The following SLC6A5 variants were observed in gnomAD, a reference collection of about 807,000 sequenced individuals.
SLC6A5 encodes the protein solute carrier family 6 member 5.
SLC6A5 carries 58 observed loss-of-function variants against 90.5 expected under a neutral mutation model. The observed-to-expected ratio is 0.64, with a 90% confidence interval of 0.52 to 0.80. The LOEUF (loss-of-function observed/expected upper bound fraction) is 0.80, where lower values mean the gene tolerates loss of function less well. SLC6A5 is among the 30% of genes least tolerant of loss of function. SLC6A5 has a pLI of 0.00. For synonymous variants in SLC6A5, 427 were observed against 401.4 expected (o/e 1.06, Z -0.76); for missense variants, 1,015 against 1,017.6 (o/e 1.00, Z 0.03).
intron 7 of SLC6A5, among the ~76,000 whole-genome samples, chr11:20,620,321 T>C (rs1852866065): frequency 6.6e-6 from 1 of 152,202 alleles, no homozygotes; most frequent in Non-Finnish European, 1.5e-5. Flanking sequence ...CCTGGCTCTA[T>C]CACTTTCTAG....
At chr11:20,625,987 C>T (rs1852986278) in intron 7 of SLC6A5, among the ~76,000 whole-genome samples, 1 of 152,172 alleles carries the variant, frequency 6.6e-6, no homozygotes, top group East Asian at 1.9e-4. Flanking sequence ...GGCATAGTGC[C>T]CAGCTCATAG....
chr11:20,601,761 G>GA (rs1852485470), intron 2 of SLC6A5, 96 bp downstream of exon 2: 1 of 1,339,326 alleles, frequency 7.5e-7, no homozygotes, highest in South Asian at 1.3e-5. Flanking sequence ...TGCTGATGGG[G>GA]AAACCGGTTG....
chr11:20,622,852 C>T (rs1358390909), intron 7 of SLC6A5, among the ~76,000 whole-genome samples: 4 of 152,190 alleles, frequency 2.6e-5, no homozygotes, highest in Non-Finnish European at 5.9e-5. Context: ...CCTTAGTTGT[C>T]TCCCATCCCA....
At chr11:20,646,010 C>T (rs190050374) in intron 13 of SLC6A5, among the ~76,000 whole-genome samples, 79 of 152,228 alleles carry the variant, frequency 5.2e-4, no homozygotes, top group East Asian at 3.9e-3. Context: ...ACTTGGAGAC[C>T]GTGTAGGTCC....
intron 12 of SLC6A5, among the ~76,000 whole-genome samples, chr11:20,637,881 TC>T (rs1853240162): frequency 6.6e-6 from 1 of 152,226 alleles, no homozygotes; most frequent in Non-Finnish European, 1.5e-5. Flanking sequence ...GTTAGCTTAC[TC>T]AGTATATATA....
rs1853640948 is a variant in SLC6A5, at chr11:20,656,721, T to TCCCCTCTCCTTCTCCTCCTTTCC, written c.*1859_*1881dup. The TCCCCTCTCCTTCTCCTCCTTTCC allele has an allele frequency of 6.6e-6, 1 of 152,180 alleles. No homozygotes were observed. The highest frequency in any genetic ancestry group is 1.5e-5 in the Non-Finnish European group (1 of 68,034). 9.4% of individuals were successfully genotyped at this position (152,180 alleles called of 1,614,324 possible). A position where few individuals can be genotyped will look rare whatever the true frequency, so the allele number is the denominator to read the frequency against. On this transcript the variant is annotated 3_prime_UTR_variant, in exon 16 of 16. Transcript: ENST00000525748. ...TTTTGTCTGCAGTGTATATTTGTTC[T>TCCCCTCTCCTTCTCCTCCTTTCC]CCCCTCTCCTTCTCCTCCTTTCCCC...
At chr11:20,608,988 GTGTT>G (rs1477099192) in intron 5 of SLC6A5, among the ~76,000 whole-genome samples, 2 of 149,718 alleles carry the variant, frequency 1.3e-5, no homozygotes, top group African/African-American at 4.9e-5. Flanking sequence ...GTGTGTGTGT[GTGTT>G]TAAAGCAGGC....
intron 15 of SLC6A5, among the ~76,000 whole-genome samples, chr11:20,653,084 G>A (rs1337652016): frequency 6.6e-6 from 1 of 152,196 alleles, no homozygotes; most frequent in African/African-American, 2.4e-5. Context: ...TGAGTGAATG[G>A]GAAGGGGACT....
At chr11:20,643,814 C>T (rs182889353) in intron 13 of SLC6A5, among the ~76,000 whole-genome samples, 42 of 152,288 alleles carry the variant, frequency 2.8e-4, no homozygotes, top group Non-Finnish European at 5.4e-4. Context: ...AGTCCCGAGG[C>T]TTGGCGGCCC....
At chr11:20,647,283 A>G (rs1853435256) in intron 14 of SLC6A5, among the ~76,000 whole-genome samples, 1 of 131,592 alleles carries the variant, frequency 7.6e-6, no homozygotes, top group African/African-American at 3.0e-5. Flanking sequence ...AGTTATATAT[A>G]TTCCTATTAT....
intron 11 of SLC6A5, among the ~76,000 whole-genome samples, chr11:20,636,692 G>T (rs1853214817): frequency 6.6e-6 from 1 of 152,112 alleles, no homozygotes. Flanking sequence ...CTGCCTTCGT[G>T]TCATTTTGCC....
chr11:20,652,469 ACTT>A lies in SLC6A5; in HGVS notation c.2238+17_2238+19del. 1 of 1,611,534 alleles carries A rather than the reference ACTT, an allele frequency of 6.2e-7. No individual in the cohort carries two copies. The highest frequency in any genetic ancestry group is 8.5e-7 in the Non-Finnish European group (1 of 1,177,596). ...AAGATTTATTGAGGTAATTCTGTCT[ACTT>A]CTTTCCCTCCCAATTCCTCCCAAGG... On this transcript the variant is annotated intron_variant, in intron 15 of 15. Coordinates refer to ENST00000525748, the MANE Select transcript of SLC6A5 (RefSeq NM_004211.5).
intron 13 of SLC6A5, among the ~76,000 whole-genome samples, chr11:20,643,227 CT>C (rs11294668): frequency 0.31 from 45,402 of 146,240 alleles, 7,339 homozygotes; most frequent in Non-Finnish European, 0.39. Flanking sequence ...ATCTCTCTCT[CT>C]TTTTTTTTTT....
At chr11:20,645,718 A>G (rs1853401011) in intron 13 of SLC6A5, among the ~76,000 whole-genome samples, 1 of 148,112 alleles carries the variant, frequency 6.8e-6, no homozygotes. Flanking sequence ...GGCTCACTAC[A>G]AGCTCTGCCT....
At chr11:20,636,201 TAAG>T in intron 10 of SLC6A5, 103 bp from the exon 11 acceptor site, 1 of 742,700 alleles carries the variant, frequency 1.3e-6, no homozygotes, top group Non-Finnish European at 2.5e-6. Flanking sequence ...AAGCAGCATA[TAAG>T]AAGTAATAAA....
intron 13 of SLC6A5, among the ~76,000 whole-genome samples, chr11:20,646,515 G>A (rs1853417892): frequency 3.3e-5 from 5 of 152,214 alleles, no homozygotes; most frequent in Admixed American, 3.3e-4. Context: ...AGCTGCACAT[G>A]TGAGATGTCA....
rs759697161 is a variant in SLC6A5 at position 20,607,609 on chromosome 11, T to C, written c.942T>C (p.Pro314=). 1.9e-5 allele frequency: 30 copies of C among 1,614,044 alleles called. No homozygotes were observed. The South Asian group carries it at 3.0e-4, about 16-fold the overall frequency. The change falls in exon 5 of 16, where the codon CCT becomes CCC. Residue 314 remains proline (P), a synonymous_variant. Transcript: ENST00000525748. ...TACCCTGGGGCTCCTGCAACAACCC[T>C]TGGAATACGCCAGAATGCAAAGATA... is the stretch of plus-strand genomic sequence containing the variant. The part of the protein sequence containing the change: ...SVLPWGSCNN[P]WNTPECKDKT...
chr11:20,634,965 C>T (rs1482097639), intron 10 of SLC6A5, among the ~76,000 whole-genome samples: 1 of 152,010 alleles, frequency 6.6e-6, no homozygotes, highest in Non-Finnish European at 1.5e-5. Context: ...CTTTAGCTAC[C>T]TTTGATTACA....
In SLC6A5 at chr11:20,637,222, G is replaced by A. The variant is rs770504031; in HGVS notation, c.1788G>A (p.Lys596=). Residue 596 remains lysine (K), a synonymous_variant, in exon 12 of 16, where the codon AAG becomes AAA. Coordinates refer to ENST00000525748, the MANE Select transcript of SLC6A5 (RefSeq NM_004211.5). The part of the protein sequence containing the change: ...IVTSISDEFP[K]YLRTHKPVFT... ...CCTCCATCTCAGACGAGTTTCCCAAGTACCTACGCACACACAAGCCAGTGT... is the reference window on the plus strand; with the variant it reads ...CCTCCATCTCAGACGAGTTTCCCAAATACCTACGCACACACAAGCCAGTGT... 3 of 1,613,318 alleles carry A rather than the reference G, an allele frequency of 1.9e-6. No homozygotes were observed. Among genetic ancestry groups the A allele is most frequent in the East Asian group, 2.2e-5 (1 of 44,798 alleles).
Sources: gnomAD v4.1 joint callset for allele counts (sites outside exome capture counted in the v4.1 genomes callset) on GRCh38, gnomAD v4.1.1 for gene constraint, MANE v1.5 for transcripts, NCBI Gene and HGNC (gene_info 2026-07-23, HGNC 2026-07-21) for gene names.